Variants in CRACD observed in about 807,000 individuals in gnomAD.
CRACD encodes capping protein inhibiting regulator of actin dynamics.
A neutral mutation model predicts 106.8 loss-of-function variants in CRACD; 56 were observed. The ratio of observed to expected loss-of-function variants is 0.52; its 90% confidence interval spans 0.42 to 0.66. CRACD has a LOEUF of 0.66. CRACD is among the 30% of genes least tolerant of loss of function. The probability of loss-of-function intolerance (pLI) is 0.00; values close to 1 mark genes in which losing one functional copy is unlikely to be tolerated. For synonymous variants in CRACD, 754 were observed against 670.8 expected (o/e 1.12, Z -1.92); for missense variants, 1,730 against 1,623.2 (o/e 1.07, Z -1.13).
chr4:56,181,305 G>A (rs528979818), intron 2 of CRACD, among the ~76,000 whole-genome samples: 159 of 152,322 alleles, frequency 1.0e-3, no homozygotes, highest in African/African-American at 3.6e-3. Flanking sequence ...TGGGTGTAAA[G>A]GCCCTAAGGA....
intron 1 of CRACD, among the ~76,000 whole-genome samples, chr4:56,052,054 T>C (rs1044885300): frequency 2.0e-4 from 30 of 152,310 alleles, no homozygotes; most frequent in African/African-American, 7.0e-4. Context: ...TTTTAAACTT[T>C]TTAATTTTTT....
At chr4:56,274,260 C>T (rs531909437) in intron 3 of CRACD, among the ~76,000 whole-genome samples, 1 of 152,134 alleles carries the variant, frequency 6.6e-6, no homozygotes, top group Non-Finnish European at 1.5e-5. Flanking sequence ...AAAATAAGAG[C>T]GTGAACTTTT....
At chr4:56,313,549 C>G (rs1052097139) in intron 7 of CRACD, among the ~76,000 whole-genome samples, 170 bp downstream of exon 7, 1 of 152,216 alleles carries the variant, frequency 6.6e-6, no homozygotes, top group Non-Finnish European at 1.5e-5. Context: ...TTACTTTCCT[C>G]GCCCTTTCTG....
intron 2 of CRACD, among the ~76,000 whole-genome samples, chr4:56,228,343 C>G (rs1239785460): frequency 6.6e-6 from 1 of 152,060 alleles, no homozygotes; most frequent in Non-Finnish European, 1.5e-5. Flanking sequence ...AACTTAACAA[C>G]TATGATTTAC....
intron 3 of CRACD, among the ~76,000 whole-genome samples, chr4:56,295,559 G>T (rs544687430): frequency 6.6e-6 from 1 of 151,112 alleles, no homozygotes; most frequent in Admixed American, 6.6e-5. Context: ...TAAATCAGGG[G>T]GATAGACTTC....
chr4:56,250,576 G>T (rs1380575417), intron 2 of CRACD, among the ~76,000 whole-genome samples: 1 of 152,180 alleles, frequency 6.6e-6, no homozygotes, highest in Non-Finnish European at 1.5e-5. Context: ...TCTCAATCTA[G>T]TAGTGTTCCC....
chr4:56,185,366 C>T lies in CRACD; in HGVS notation c.-189+5936C>T, dbSNP rs137969731. On this transcript the variant is annotated intron_variant, in intron 2 of 10. Coordinates refer to ENST00000682029, the MANE Select transcript of CRACD (RefSeq NM_001393381.1). Reference sequence around the variant, plus strand: ...ACACTGTACCCATTAAGCAGTTACTCCCCATTTCCCCCTCCCCTCAGCCAC... The same window carrying T: ...ACACTGTACCCATTAAGCAGTTACTTCCCATTTCCCCCTCCCCTCAGCCAC... 6.6e-3 allele frequency among the ~76,000 whole-genome samples: 1,012 copies of T among 152,302 alleles called. 2 individuals carry two copies. The highest frequency in any genetic ancestry group is 0.012 in the Non-Finnish European group (797 of 68,018).
At chr4:56,100,148 C>A (rs1287837974) in intron 1 of CRACD, among the ~76,000 whole-genome samples, 1 of 151,872 alleles carries the variant, frequency 6.6e-6, no homozygotes, top group Non-Finnish European at 1.5e-5. Flanking sequence ...GAGGCTGAGG[C>A]AGGAGAATTG....
At chr4:56,199,311 G>T (rs1737765123) in intron 2 of CRACD, among the ~76,000 whole-genome samples, 1 of 152,112 alleles carries the variant, frequency 6.6e-6, no homozygotes. Context: ...CAAATGTTTG[G>T]TTATATAGAT....
intron 3 of CRACD, among the ~76,000 whole-genome samples, chr4:56,286,524 T>TGAAAAAAAAAAAA (rs1475613270): frequency 1.3e-4 from 2 of 15,900 alleles, no homozygotes; most frequent in Admixed American, 1.0e-3. Context: ...AGACTCCGTC[T>TGAAAAAAAAAAAA]CAAAAAAAAA....
intron 1 of CRACD, among the ~76,000 whole-genome samples, chr4:56,159,913 C>A (rs1252238501): frequency 6.6e-6 from 1 of 151,598 alleles, no homozygotes; most frequent in Admixed American, 6.6e-5. Flanking sequence ...TCCTGAGTAG[C>A]TGGGATTACA....
At chr4:56,298,405 G>A (rs944331423) in intron 4 of CRACD, 56 bp downstream of exon 4, 27 of 1,599,300 alleles carry the variant, frequency 1.7e-5, no homozygotes, top group Admixed American at 1.7e-5. Context: ...GTTATGAAGG[G>A]AAGTGGGAAA....
At chr4:56,247,790 G>A (rs978267705) in intron 2 of CRACD, among the ~76,000 whole-genome samples, 2 of 151,834 alleles carry the variant, frequency 1.3e-5, no homozygotes, top group East Asian at 1.9e-4. Context: ...ACGTTGCAGC[G>A]AGCCAGGATT....
intron 3 of CRACD, among the ~76,000 whole-genome samples, chr4:56,284,736 A>G (rs370418339): frequency 1.2e-5 from 1 of 86,650 alleles, no homozygotes; most frequent in African/African-American, 4.0e-5. Context: ...AAAACAAAAA[A>G]CAAAAAAAAA....
chr4:56,188,230 T>C, intron 2 of CRACD, among the ~76,000 whole-genome samples: 1 of 152,212 alleles, frequency 6.6e-6, no homozygotes, highest in East Asian at 1.9e-4. Context: ...ATCATTTTAT[T>C]TTCATTTCTT....
chr4:56,307,411 G>T lies in CRACD; in HGVS notation c.121-124G>T, dbSNP rs1256288897. On this transcript the variant is annotated intron_variant, in intron 4 of 10. Transcript: ENST00000682029. ...CATCATGGTTTCCTGGCATGGTGTT[G>T]AGTCTAGAAATCAGTTGTGCACAAG... is the stretch of plus-strand genomic sequence containing the variant. The T allele has an allele frequency of 3.9e-6, 3 of 763,532 alleles. No homozygotes were observed. The Admixed American group carries it at 8.3e-5, about 21-fold the overall frequency. 47.3% of individuals were successfully genotyped at this position (763,532 alleles called of 1,614,324 possible). A position where few individuals can be genotyped will look rare whatever the true frequency, so the allele number is the denominator to read the frequency against.
intron 1 of CRACD, among the ~76,000 whole-genome samples, chr4:56,059,065 A>ATAAAG (rs1732181081): frequency 6.6e-6 from 1 of 152,180 alleles, no homozygotes; most frequent in South Asian, 2.1e-4. Flanking sequence ...ATACAGACAA[A>ATAAAG]TAAAGCAAGA....
chr4:56,318,787 G>T (rs760044356), intron 8 of CRACD, among the ~76,000 whole-genome samples: 14 of 152,142 alleles, frequency 9.2e-5, no homozygotes, highest in Non-Finnish European at 1.8e-4. Flanking sequence ...CACCCCATCA[G>T]GATAAAAATG....
intron 2 of CRACD, among the ~76,000 whole-genome samples, chr4:56,226,325 T>C (rs1406408454): frequency 1.3e-5 from 2 of 152,150 alleles, no homozygotes; most frequent in African/African-American, 2.4e-5. Flanking sequence ...AGATTGGTGG[T>C]TGATTTAGAT....
Sources: allele counts gnomAD v4.1 joint callset (sites outside exome capture counted in the v4.1 genomes callset), GRCh38; gene constraint gnomAD v4.1.1; transcripts MANE v1.5; gene names NCBI Gene and HGNC (gene_info 2026-07-23, HGNC 2026-07-21).